The following NHSL1 variants were observed in gnomAD, a reference collection of about 807,000 sequenced individuals.
NHSL1 encodes NHS like 1, also known as NHS-like protein 1.
A neutral mutation model predicts 95.0 loss-of-function variants in NHSL1; 48 were observed. The ratio of observed to expected loss-of-function variants is 0.51; its 90% CI spans 0.40 to 0.64. The LOEUF (loss-of-function observed/expected upper bound fraction) is 0.64, where lower values mean the gene tolerates loss of function less well. Ranked by LOEUF, NHSL1 falls within the 30% of genes least tolerant of loss-of-function variation. The pLI, the probability that NHSL1 is intolerant of heterozygous loss-of-function variation, is 0.00. For synonymous variants in NHSL1, 783 were observed against 833.9 expected, an observed-to-expected ratio of 0.94 and a Z score of 1.05; for missense variants, 1,971 against 2,077.7, an observed-to-expected ratio of 0.95 and a Z score of 1.00.
At chr6:138,511,213 A>T (rs1470375496) in intron 1 of NHSL1, among the ~76,000 whole-genome samples, 1 of 152,216 alleles carries the variant, frequency 6.6e-6, no homozygotes, top group Non-Finnish European at 1.5e-5. Context: ...ATAAAATCAT[A>T]TTTGGAAGGA....
At chr6:138,674,281 A>T (rs202158859) in intron 1 of NHSL1, among the ~76,000 whole-genome samples, 3 of 92,024 alleles carry the variant, frequency 3.3e-5, no homozygotes, top group East Asian at 1.2e-3. Flanking sequence ...TAATTTTTTT[A>T]ATTTTTTGAA....
rs939483089 is a variant in NHSL1, at chr6:138,692,358, C to A, written c.96+118G>T. On this transcript the variant is annotated intron_variant, in intron 1 of 3. Transcript: ENST00000491526. The surrounding 1 kb of genome is among the most constrained non-coding windows in gnomAD (Gnocchi z 4.0). The stretch of plus-strand genomic sequence containing the variant: ...GTCCGGCAGTCCCCACTGGAGACCC[C>A]GACATCGCGGGGCTCCGCGGCCCCC... 3.4e-5 allele frequency: 11 copies of A among 322,728 alleles called. No individual in the cohort carries two copies. The highest frequency in any genetic ancestry group is 2.5e-4 in the South Asian group (10 of 39,356). The allele number at this position is 322,728 out of a possible 1,614,324, so 20.0% of individuals were successfully genotyped here.
At chr6:138,593,340 C>G (rs1423991994) in intron 1 of NHSL1, among the ~76,000 whole-genome samples, 2 of 152,196 alleles carry the variant, frequency 1.3e-5, no homozygotes, top group Non-Finnish European at 2.9e-5. Context: ...ATTCCCCGTT[C>G]ATAGTCTTCA....
chr6:138,501,819 T>G (rs539997711), upstream of NHSL1, among the ~76,000 whole-genome samples: 6 of 152,364 alleles, frequency 3.9e-5, no homozygotes, highest in South Asian at 1.0e-3. Context: ...AGTATTTGCA[T>G]GCAACCTATG....
At position 138,430,469 on chromosome 6, in the gene NHSL1, C is replaced by A; in HGVS notation, c.3876G>T (p.Lys1292Asn). 1 of 1,549,882 alleles carries A rather than the reference C, an allele frequency of 6.5e-7. No individual in the cohort carries two copies. The highest frequency in any genetic ancestry group is 1.2e-5 in the South Asian group (1 of 83,828). The stretch of plus-strand genomic sequence containing the variant: ...CACTGTTCTCGGCTGGCTCCTCCTG[C>A]TTGGGGGCTGGTGAGACATCAGGCT... ...MVQPDVSPAPKQEEPAENSAD... is the reference protein window; with the variant it reads ...MVQPDVSPAPNQEEPAENSAD... The change falls in exon 6 of 8, where the codon AAG becomes AAT. Residue 1292 changes from lysine (K) to asparagine (N), a missense_variant. Coordinates refer to ENST00000343505, the MANE Select transcript of NHSL1 (RefSeq NM_001144060.2). This position sits in a 1 kb window ranked among gnomAD's most constrained non-coding sequence, Gnocchi z 4.7.
chr6:138,476,912 C>T lies in NHSL1; in HGVS notation c.212-3479G>A, dbSNP rs1779106675. On this transcript the variant is annotated intron_variant, in intron 2 of 7. Coordinates refer to ENST00000343505, the MANE Select transcript of NHSL1 (RefSeq NM_001144060.2). Reference sequence around the variant, plus strand: ...ACTACAAGCCCAAAGCTCACCATTACACAATATACCCATGTAACAAACCTG... The same window carrying T: ...ACTACAAGCCCAAAGCTCACCATTATACAATATACCCATGTAACAAACCTG... 2.2e-5 allele frequency among the ~76,000 whole-genome samples: 3 copies of T among 135,708 alleles called. No individual in the cohort carries two copies. The South Asian group carries it at 7.5e-4, about 34-fold the overall frequency. The allele number at this position is 135,708 out of a possible 152,430, so 89.0% of individuals were successfully genotyped here.
At chr6:138,548,958 C>G (rs1214872185), upstream of NHSL1, among the ~76,000 whole-genome samples, 1 of 150,540 alleles carries the variant, frequency 6.6e-6, no homozygotes, top group Admixed American at 6.7e-5. Context: ...GTGTCCACCC[C>G]AAATTCATGT....
intron 3 of NHSL1, among the ~76,000 whole-genome samples, chr6:138,449,013 T>C (rs939185436): frequency 8.2e-5 from 12 of 146,350 alleles, no homozygotes; most frequent in Admixed American, 4.8e-4. Context: ...GATCGCACCA[T>C]TGCGCCCCAG....
chr6:138,564,652 A>T (rs1257601804), intron 1 of NHSL1, among the ~76,000 whole-genome samples: 2 of 83,460 alleles, frequency 2.4e-5, no homozygotes, highest in East Asian at 2.8e-4. Context: ...CCTTGGGGAT[A>T]AAAAAAAAAA....
rs369052915 is a variant in NHSL1 at position 138,537,362 on chromosome 6, G to T, written c.16+8261C>A. ...GTAATACTTTTTTATTCATCTGGAT[G>T]TATTTATACAACTGTGTAGGTCCAG... is the stretch of plus-strand genomic sequence containing the variant. On this transcript the variant is annotated intron_variant, in intron 1 of 4. Coordinates refer to the NHSL1 transcript ENST00000342260. Among the ~76,000 whole-genome samples the T allele has an allele frequency of 8.5e-5, 13 of 152,308 alleles. No individual in the cohort carries two copies. The East Asian group carries it at 2.1e-3, about 25-fold the overall frequency.
At chr6:138,492,785 G>A (rs1387619703) in intron 2 of NHSL1, among the ~76,000 whole-genome samples, 1 of 152,036 alleles carries the variant, frequency 6.6e-6, no homozygotes, top group Non-Finnish European at 1.5e-5. Context: ...CGATGAAAAA[G>A]GAATAACCTG....
intron 1 of NHSL1, among the ~76,000 whole-genome samples, chr6:138,664,227 T>C (rs913509514): frequency 6.6e-5 from 10 of 152,344 alleles, no homozygotes; most frequent in African/African-American, 2.2e-4. Context: ...CATTTTAATG[T>C]TTCTCCTTTT....
chr6:138,509,455 C>T (rs1314357589), intron 1 of NHSL1, among the ~76,000 whole-genome samples: 1 of 152,062 alleles, frequency 6.6e-6, no homozygotes, highest in Non-Finnish European at 1.5e-5. Flanking sequence ...GTAAAACCTA[C>T]AAAGAATCTA....
upstream of NHSL1, among the ~76,000 whole-genome samples, chr6:138,572,899 T>C (rs572623069): frequency 8.1e-6 from 1 of 123,312 alleles, no homozygotes; most frequent in Non-Finnish European, 1.7e-5. Context: ...ACATCCAACA[T>C]TCCTAGATGG....
chr6:138,626,988 CT>C (rs1784748654), intron 1 of NHSL1, among the ~76,000 whole-genome samples: 1 of 151,402 alleles, frequency 6.6e-6, no homozygotes. Flanking sequence ...TCATATACAC[CT>C]TCTTATTGAA....
At chr6:138,502,982 T>C (rs1377229928), upstream of NHSL1, among the ~76,000 whole-genome samples, 3 of 152,188 alleles carry the variant, frequency 2.0e-5, no homozygotes, top group Admixed American at 6.5e-5. Flanking sequence ...CCCATGGCTG[T>C]CTTCCTACTT....
rs1458467951 is a variant in NHSL1, at chr6:138,641,980, A to C, written c.96+50496T>G. Among the ~76,000 whole-genome samples the C allele has an allele frequency of 2.0e-5, 3 of 152,350 alleles. No homozygotes were observed. In the East Asian group the frequency reaches 5.8e-4, roughly 29 times the overall value. On this transcript the variant is annotated intron_variant, in intron 1 of 3. Transcript: ENST00000491526. ...TTCAGACTATAAAAAGAAAAAATTTAAGGTATCATGTTACATTTATTACAA... is the reference window on the plus strand; with the variant it reads ...TTCAGACTATAAAAAGAAAAAATTTCAGGTATCATGTTACATTTATTACAA...
At chr6:138,625,718 A>G (rs557642949) in intron 1 of NHSL1, among the ~76,000 whole-genome samples, 2 of 151,182 alleles carry the variant, frequency 1.3e-5, no homozygotes, top group East Asian at 3.9e-4. Context: ...ATCACACCTC[A>G]CTGCCGCCTA....
intron 1 of NHSL1, among the ~76,000 whole-genome samples, chr6:138,629,230 C>T (rs1784784177): frequency 6.6e-6 from 1 of 152,132 alleles, no homozygotes; most frequent in African/African-American, 2.4e-5. Context: ...TCAGCTCTTC[C>T]AGAAGCTACT....
Sources: gnomAD v4.1 joint callset for allele counts (sites outside exome capture counted in the v4.1 genomes callset) on GRCh38, gnomAD v4.1.1 for gene constraint, Gnocchi (gnomAD v3.1) non-coding constraint, MANE v1.5 for transcripts, NCBI Gene and HGNC (gene_info 2026-07-23, HGNC 2026-07-21) for gene names.